ACTR8: variants seen among roughly 807,000 people sequenced by gnomAD.
ACTR8 encodes the protein actin-related protein 8.
A neutral mutation model predicts 84.3 loss-of-function variants in ACTR8; 70 were observed. The ratio of observed to expected loss-of-function variants is 0.83; its 90% confidence interval spans 0.68 to 1.01. The LOEUF is 1.01. Among genes scored for constraint, ACTR8 ranks in the 50% least tolerant of loss-of-function variants. ACTR8 has a pLI of 0.00. For synonymous variants in ACTR8, 268 were observed against 275.2 expected, an observed-to-expected ratio of 0.97 and a Z score of 0.26; for missense variants, 672 against 775.4, an observed-to-expected ratio of 0.87 and a Z score of 1.58.
At position 53,879,936 on chromosome 3, in the gene ACTR8, T is replaced by G; in HGVS notation, c.294+3A>C. ...CTTTCTCTCCAGGTCGTTTTTGACTTACATTTAGTCCCTCCCTTAGGAGCC... is the reference window on the plus strand; with the variant it reads ...CTTTCTCTCCAGGTCGTTTTTGACTGACATTTAGTCCCTCCCTTAGGAGCC... On this transcript the variant is annotated splice_donor_region_variant and intron_variant, in intron 2 of 12. Transcript: ENST00000335754. 6.2e-7 allele frequency: 1 copy of G among 1,602,438 alleles called. No individual in the cohort carries two copies. Among genetic ancestry groups the G allele is most frequent in the Non-Finnish European group, 8.5e-7 (1 of 1,171,484 alleles).
intron 9 of ACTR8, among the ~76,000 whole-genome samples, chr3:53,872,736 C>T (rs1699905754): frequency 6.6e-6 from 1 of 152,154 alleles, no homozygotes; most frequent in South Asian, 2.1e-4. Flanking sequence ...GATATGACAC[C>T]ATATGAGAGA....
intron 3 of ACTR8, 29 bp downstream of exon 3, chr3:53,878,328 A>C (rs887006292): frequency 7.5e-6 from 11 of 1,460,220 alleles, no homozygotes; most frequent in Non-Finnish European, 9.6e-6. Flanking sequence ...AGTGGTGATA[A>C]AAGAATAAAT....
At chr3:53,876,300 C>T (rs1309727657) in intron 6 of ACTR8, among the ~76,000 whole-genome samples, 8 of 152,018 alleles carry the variant, frequency 5.3e-5, no homozygotes, top group South Asian at 2.1e-4. Flanking sequence ...GGGAGGATCA[C>T]GAGGTCAGGA....
At chr3:53,865,080 T>C, downstream of ACTR8, 1 of 1,614,166 alleles carries the variant, frequency 6.2e-7, no homozygotes, top group Non-Finnish European at 8.5e-7. Context: ...CCCTTGCCTT[T>C]AACCTTTTCT....
chr3:53,875,989 A>G lies in ACTR8; in HGVS notation c.870T>C (p.Ser290=), dbSNP rs2107065271. ...ACACCCCATCCTCCACACAGCATAC[A>G]CTTGTCTTCTGGTCCCCAACGTCTA... The part of the protein sequence containing the change: ...CIVDVGDQKT[S]VCCVEDGVSH... The change falls in exon 7 of 13, where the codon AGT becomes AGC. Residue 290 remains serine, a synonymous_variant. Coordinates refer to ENST00000335754, the MANE Select transcript of ACTR8 (RefSeq NM_022899.5). 6.2e-7 allele frequency: 1 copy of G among 1,614,028 alleles called. No homozygotes were observed. Among genetic ancestry groups the G allele is most frequent in the Non-Finnish European group, 8.5e-7 (1 of 1,180,024 alleles).
intron 10 of ACTR8, 80 bp from the exon 11 acceptor site, chr3:53,871,576 T>C (rs1340900869): frequency 1.3e-6 from 2 of 1,496,230 alleles, no homozygotes; most frequent in Non-Finnish European, 1.8e-6. Context: ...GATCCCTCCC[T>C]ACCCTACTAC....
At chr3:53,873,565 A>G (rs1045816546) in intron 8 of ACTR8, among the ~76,000 whole-genome samples, 2 of 152,256 alleles carry the variant, frequency 1.3e-5, no homozygotes, top group Non-Finnish European at 2.9e-5. Context: ...GCTTCAAATT[A>G]TAACATTTAA....
Position 53,881,994 on chromosome 3 carries a change from C to G in ACTR8, c.108G>C (p.Pro36=), listed in dbSNP as rs188170006. ...VKRPIVPALV[P]ESLQEQIQSN... ...AGAGCCGCACCTCTTGCAGCGACTC[C>G]GGCACCAGCGCGGGCACGATGGGCC... The change falls in exon 1 of 13, where the codon CCG becomes CCC. Residue 36 remains proline, a synonymous_variant. Coordinates refer to ENST00000335754, the MANE Select transcript of ACTR8 (RefSeq NM_022899.5). 167 of 1,553,464 alleles carry G rather than the reference C, an allele frequency of 1.1e-4. 1 individual carries two copies. The East Asian group carries it at 4.0e-3, about 37-fold the overall frequency.
In ACTR8 at chr3:53,873,771, C is replaced by G. The variant is rs184519138; in HGVS notation, c.1065+440G>C. ...CTCACTCCTTAAGGGCTTTCACCTG[C>G]AGGCTTTATCGTGGGTTGAAAAAGG... On this transcript the variant is annotated intron_variant, in intron 8 of 12. Transcript: ENST00000335754. 5.6e-3 allele frequency among the ~76,000 whole-genome samples: 859 copies of G among 152,290 alleles called. 3 individuals carry two copies. The highest frequency in any genetic ancestry group is 8.2e-3 in the Non-Finnish European group (561 of 68,024).
At chr3:53,869,828 C>G (rs1015615202) in intron 12 of ACTR8, among the ~76,000 whole-genome samples, 154 bp downstream of exon 12, 2 of 151,732 alleles carry the variant, frequency 1.3e-5, no homozygotes, top group African/African-American at 4.8e-5. Flanking sequence ...CACCTTCCAC[C>G]ACATCTATGG....
chr3:53,872,661 G>A (rs754884916), intron 9 of ACTR8, 137 bp from the exon 10 acceptor site: 3 of 1,118,076 alleles, frequency 2.7e-6, no homozygotes, highest in Non-Finnish European at 3.7e-6. Context: ...TCTCTTTCGG[G>A]AGTGGCATTA....
At chr3:53,877,581 G>C in intron 4 of ACTR8, 66 bp downstream of exon 4, 2 of 1,525,282 alleles carry the variant, frequency 1.3e-6, no homozygotes, top group Non-Finnish European at 1.8e-6. Flanking sequence ...GGGTGGCAAC[G>C]TAAATGAATT....
downstream of ACTR8, among the ~76,000 whole-genome samples, chr3:53,863,115 TTATTA>T (rs1246439271): frequency 2.0e-5 from 3 of 152,244 alleles, no homozygotes; most frequent in African/African-American, 7.2e-5. Flanking sequence ...CTAGCTTACT[TTATTA>T]TAATACAGCA....
At chr3:53,878,272 G>T in intron 3 of ACTR8, 85 bp downstream of exon 3, 1 of 1,013,606 alleles carries the variant, frequency 9.9e-7, no homozygotes, top group South Asian at 1.4e-5. Context: ...TCTTGTATTT[G>T]CATAGTGGTA....
chr3:53,859,371 CA>C, the ACTR8 span: 1 of 152,332 alleles, frequency 6.6e-6, no homozygotes, highest in African/African-American at 2.4e-5. Context: ...CACAACAGTC[CA>C]GGGGTGGGGT....
At chr3:53,868,996 C>T in intron 12 of ACTR8, 134 bp from the exon 13 acceptor site, 1 of 1,275,208 alleles carries the variant, frequency 7.8e-7, no homozygotes, top group South Asian at 1.6e-5. Flanking sequence ...GTATTAAAGA[C>T]AGCAGGATTA....
chr3:53,878,302 G>GT, intron 3 of ACTR8, 55 bp downstream of exon 3: 1 of 1,266,734 alleles, frequency 7.9e-7, no homozygotes, highest in Admixed American at 1.7e-5. Flanking sequence ...CATGTGAATG[G>GT]TATTATGATA....
At position 53,868,320 on chromosome 3, in the gene ACTR8, T is replaced by A. The variant is rs116180758; in HGVS notation, c.*399A>T. ...ATACTAGACAAGAGAGAAAATGGCA[T>A]GAGTGGACAGTTCTCCCTCGTCACA... On this transcript the variant is annotated 3_prime_UTR_variant, in exon 13 of 13. Transcript: ENST00000335754. The A allele has an allele frequency of 9.7e-3, 1,563 of 161,492 alleles. 18 individuals carry two copies. Among genetic ancestry groups the A allele is most frequent in the African/African-American group, 0.034 (1,407 of 41,934 alleles). The allele number at this position is 161,492 out of a possible 1,614,324, so 10.0% of individuals were successfully genotyped here. A position where few individuals can be genotyped will look rare whatever the true frequency, so the allele number is the denominator to read the frequency against.
downstream of ACTR8, among the ~76,000 whole-genome samples, chr3:53,864,517 AGAGT>A (rs1699704934): frequency 6.6e-6 from 1 of 152,168 alleles, no homozygotes; most frequent in African/African-American, 2.4e-5. Context: ...CCTGGGCGAC[AGAGT>A]GAGACTATGT....
Sources: allele counts gnomAD v4.1 joint callset (sites outside exome capture counted in the v4.1 genomes callset), GRCh38; gene constraint gnomAD v4.1.1; transcripts MANE v1.5; gene names NCBI Gene and HGNC (gene_info 2026-07-23, HGNC 2026-07-21).